Variants in TENM2 observed in about 807,000 individuals in gnomAD.
The protein encoded by TENM2 is teneurin-2.
TENM2 carries 52 observed loss-of-function variants against 245.2 expected under a neutral mutation model. The observed-to-expected ratio is 0.21, with a 90% CI of 0.17 to 0.27. The LOEUF (loss-of-function observed/expected upper bound fraction) is 0.27, where lower values mean the gene tolerates loss of function less well. Among genes scored for constraint, TENM2 ranks in the 10% least tolerant of loss-of-function variants. The pLI is 1.00. For synonymous variants in TENM2, 1,363 were observed against 1,438.9 expected (o/e 0.95, Z 1.19); for missense variants, 3,046 against 3,666.8 (o/e 0.83, Z 4.37).
At chr5:168,107,110 C>T (rs981814554) in intron 9 of TENM2, among the ~76,000 whole-genome samples, 1 of 152,082 alleles carries the variant, frequency 6.6e-6, no homozygotes, top group Non-Finnish European at 1.5e-5. Flanking sequence ...GATGCTGTTA[C>T]CCTCTCTCTT....
At chr5:167,697,067 C>A (rs1055925781) in intron 2 of TENM2, among the ~76,000 whole-genome samples, 20 of 152,348 alleles carry the variant, frequency 1.3e-4, no homozygotes, top group African/African-American at 4.6e-4. Flanking sequence ...CCTCCAGTTT[C>A]TCACACTTGC....
chr5:166,983,780 C>T, the TENM2 span, among the ~76,000 whole-genome samples: 2 of 152,066 alleles, frequency 1.3e-5, no homozygotes, highest in South Asian at 2.1e-4. Flanking sequence ...GTTGAGACTT[C>T]TCAGGACTTG....
At chr5:167,650,408 G>A (rs1013541711) in intron 2 of TENM2, among the ~76,000 whole-genome samples, 2 of 152,050 alleles carry the variant, frequency 1.3e-5, no homozygotes, top group Admixed American at 6.6e-5. Flanking sequence ...ATTCAGCTAA[G>A]GTTCTTAGGA....
At chr5:167,939,965 C>T (rs574481930) in intron 3 of TENM2, among the ~76,000 whole-genome samples, 5 of 152,184 alleles carry the variant, frequency 3.3e-5, no homozygotes, top group South Asian at 2.1e-4. Flanking sequence ...TGTCTATTCC[C>T]GCTTGGGGTG....
intron 2 of TENM2, among the ~76,000 whole-genome samples, chr5:167,768,661 T>C (rs1763200959): frequency 6.6e-6 from 1 of 152,196 alleles, no homozygotes; most frequent in Non-Finnish European, 1.5e-5. Context: ...ACAAAGCCAC[T>C]GACTGTGTGA....
chr5:167,118,877 G>T, the TENM2 span, among the ~76,000 whole-genome samples: 1 of 152,172 alleles, frequency 6.6e-6, no homozygotes, highest in African/African-American at 2.4e-5. Context: ...AGGACTTCAG[G>T]AAATGGTATT....
intron 2 of TENM2, among the ~76,000 whole-genome samples, chr5:167,536,898 C>T (rs1168347387): frequency 1.3e-5 from 2 of 151,890 alleles, no homozygotes; most frequent in African/African-American, 2.4e-5. Flanking sequence ...GTGGCGGGTG[C>T]CTGTAATCCC....
exon 4 of TENM2, chr5:167,952,698 C>T (rs1375228278): frequency 2.5e-6 from 4 of 1,612,180 alleles, no homozygotes; most frequent in South Asian, 1.1e-5. Flanking sequence ...CAGGAACTCA[C>T]TGACCAATCG....
chr5:167,064,722 C>T, the TENM2 span, among the ~76,000 whole-genome samples: 1 of 152,130 alleles, frequency 6.6e-6, no homozygotes, highest in African/African-American at 2.4e-5. Flanking sequence ...AGTATCCTTA[C>T]AGTTATTGAA....
At chr5:168,077,555 C>T (rs1791590303) in intron 7 of TENM2, among the ~76,000 whole-genome samples, 1 of 152,102 alleles carries the variant, frequency 6.6e-6, no homozygotes, top group African/African-American at 2.4e-5. Context: ...TTAGGTATCT[C>T]TCCTAATGCT....
chr5:167,275,398 A>T, the TENM2 span, among the ~76,000 whole-genome samples: 1 of 152,066 alleles, frequency 6.6e-6, no homozygotes, highest in Non-Finnish European at 1.5e-5. Flanking sequence ...TCTACAAAAA[A>T]TTTTGCTAAG....
chr5:167,173,008 C>T, the TENM2 span, among the ~76,000 whole-genome samples: 1 of 152,132 alleles, frequency 6.6e-6, no homozygotes, highest in Non-Finnish European at 1.5e-5. Flanking sequence ...TTACCACATC[C>T]GTTACCCAAA....
intron 4 of TENM2, 35 bp downstream of exon 6, chr5:167,952,857 G>T: frequency 6.6e-7 from 1 of 1,525,496 alleles, no homozygotes. Flanking sequence ...GTCACACTCA[G>T]TGTCACCTTA....
intron 7 of TENM2, among the ~76,000 whole-genome samples, chr5:168,083,907 C>T (rs1289191681): frequency 1.3e-5 from 2 of 152,028 alleles, no homozygotes; most frequent in African/African-American, 2.4e-5. Context: ...TTTTTTAACC[C>T]TTGCCCCCTC....
chr5:168,144,884 A>C (rs1179069756), intron 12 of TENM2, among the ~76,000 whole-genome samples: 1 of 150,590 alleles, frequency 6.6e-6, no homozygotes, highest in Non-Finnish European at 1.5e-5. Flanking sequence ...AACTGGTGTG[A>C]GATGGTATCT....
chr5:167,018,247 G>A, the TENM2 span, among the ~76,000 whole-genome samples: 1 of 152,102 alleles, frequency 6.6e-6, no homozygotes, highest in Admixed American at 6.6e-5. Flanking sequence ...AAATAAATCA[G>A]TTTAGGTGTT....
intron 2 of TENM2, among the ~76,000 whole-genome samples, chr5:167,480,741 T>A (rs990137987): frequency 2.6e-5 from 4 of 152,190 alleles, no homozygotes; most frequent in Admixed American, 1.3e-4. Flanking sequence ...TTGCTCAAAA[T>A]TCTCCCTAAC....
At chr5:167,168,642 G>A in the TENM2 span, among the ~76,000 whole-genome samples, 1 of 152,204 alleles carries the variant, frequency 6.6e-6, no homozygotes. Flanking sequence ...AGTTACTGAT[G>A]GAAGGAACTT....
intron 5 of TENM2, among the ~76,000 whole-genome samples, chr5:168,003,713 C>A (rs930863811): frequency 1.3e-5 from 2 of 152,128 alleles, no homozygotes; most frequent in East Asian, 3.9e-4. Context: ...AACTTTTGGT[C>A]CCCTCATGAA....
Sources: allele counts gnomAD v4.1 joint callset (sites outside exome capture counted in the v4.1 genomes callset), GRCh38; gene constraint gnomAD v4.1.1; transcripts MANE v1.5; gene names NCBI Gene and HGNC (gene_info 2026-07-23, HGNC 2026-07-21).